AIRE: variants seen among roughly 807,000 people sequenced by gnomAD.
AIRE encodes the protein autoimmune polyendocrinopathy candidiasis ectodermal dystrophy protein.
A neutral mutation model predicts 62.1 loss-of-function variants in AIRE; 52 were observed. That is an observed-to-expected ratio of 0.84 (90% confidence interval 0.67 to 1.06). AIRE has a LOEUF of 1.06. Ranked by LOEUF, AIRE falls within the 50% of genes least tolerant of loss-of-function variation. The probability of loss-of-function intolerance (pLI) is 0.00; values close to 1 mark genes in which losing one functional copy is unlikely to be tolerated. For synonymous variants in AIRE, 342 were observed against 321.6 expected (o/e 1.06, Z -0.68); for missense variants, 774 against 755.8 (o/e 1.02, Z -0.28).
intron 12 of AIRE, 53 bp from the exon 13 acceptor site, chr21:44,296,330 C>T (rs1043438428): frequency 1.3e-6 from 2 of 1,514,820 alleles, no homozygotes; most frequent in African/African-American, 1.4e-5. Context: ...GCCTCTGTAC[C>T]CCCACCAGGG....
chr21:44,287,428 C>T lies in AIRE; in HGVS notation c.464-89C>T. 2 of 938,154 alleles carry T rather than the reference C, an allele frequency of 2.1e-6. No homozygotes were observed. The highest frequency in any genetic ancestry group is 1.4e-5 in the South Asian group (1 of 69,810). 58.1% of individuals were successfully genotyped at this position (938,154 alleles called of 1,614,324 possible). A position where few individuals can be genotyped will look rare whatever the true frequency, so the allele number is the denominator to read the frequency against. On this transcript the variant is annotated intron_variant, in intron 3 of 13. Coordinates refer to ENST00000291582, the MANE Select transcript of AIRE (RefSeq NM_000383.4). The surrounding 1 kb of genome is among the most constrained non-coding windows in gnomAD (Gnocchi z 4.3). ...GGACTACCCAGCACTGGACCGCCCCCTCCACGCCCTCCCACCGCGGGCCCC... is the reference window on the plus strand; with the variant it reads ...GGACTACCCAGCACTGGACCGCCCCTTCCACGCCCTCCCACCGCGGGCCCC...
Position 44,286,150 on chromosome 21 carries a change from G to GC in AIRE, c.132+15dup. The GC allele has an allele frequency of 1.7e-6, 2 of 1,177,118 alleles. No homozygotes were observed. The highest frequency in any genetic ancestry group is 4.5e-5 in the Admixed American group (2 of 44,914). The allele number at this position is 1,177,118 out of a possible 1,614,324, so 72.9% of individuals were successfully genotyped here. On this transcript the variant is annotated intron_variant, in intron 1 of 13. Coordinates refer to ENST00000291582, the MANE Select transcript of AIRE (RefSeq NM_000383.4). This position sits in a 1 kb window ranked among gnomAD's most constrained non-coding sequence, Gnocchi z 6.0. ...AGGACAAGTTTCAGGTGGGCTCCCC[G>GC]CCCGCCCCCCGCTGCCCCCAGGCCC...
Position 44,293,731 on chromosome 21 carries a change from G to A in AIRE, c.1279-58G>A, listed in dbSNP as rs75243213. ...GGGAGAGCGCACAGGGCTCGGGTTC[G>A]GGTTCAGCTACATTTCCCCCGGCCC... On this transcript the variant is annotated intron_variant, in intron 10 of 13. Coordinates refer to ENST00000291582, the MANE Select transcript of AIRE (RefSeq NM_000383.4). 2.6e-3 allele frequency: 4,107 copies of A among 1,593,292 alleles called. 89 individuals are homozygous for A. In the African/African-American group the frequency reaches 0.047, roughly 18 times the overall value.
rs763835269 is a variant in AIRE at position 44,287,064 on chromosome 21, A to C, written c.394A>C (p.Arg132=). Residue 132 remains arginine, a synonymous_variant, in exon 3 of 14, where the codon AGG becomes CGG. Coordinates refer to ENST00000291582, the MANE Select transcript of AIRE (RefSeq NM_000383.4). This position sits in a 1 kb window ranked among gnomAD's most constrained non-coding sequence, Gnocchi z 4.3. ...ACCGCCACCCAGACTCCCCACCAAG[A>C]GGAAGGCCTCAGAAGAGGCTCGAGC... ...LVPPPRLPTK[R]KASEEARAAA... The C allele has an allele frequency of 1.9e-6, 3 of 1,612,644 alleles. No homozygotes were observed. The highest frequency in any genetic ancestry group is 3.3e-5 in the Admixed American group (2 of 60,006).
Position 44,297,744 on chromosome 21 carries a change from C to T in AIRE, c.*17C>T, listed in dbSNP as rs1209586966. 1.2e-6 allele frequency: 2 copies of T among 1,602,770 alleles called. No individual in the cohort carries two copies. Among genetic ancestry groups the T allele is most frequent in the Non-Finnish European group, 1.7e-6 (2 of 1,171,308 alleles). ...CCCTCCTGACCCCAGATGGCCGGGACATGCAGCTCTGATGAGAGAGTGCTG... is the reference window on the plus strand; with the variant it reads ...CCCTCCTGACCCCAGATGGCCGGGATATGCAGCTCTGATGAGAGAGTGCTG... On this transcript the variant is annotated 3_prime_UTR_variant, in exon 14 of 14. Transcript: ENST00000291582. The surrounding 1 kb of genome is among the most constrained non-coding windows in gnomAD (Gnocchi z 4.8).
chr21:44,292,634 C>T lies in AIRE; in HGVS notation c.1095+233C>T, dbSNP rs374442760. Among the ~76,000 whole-genome samples, 11 of 152,178 alleles carry T rather than the reference C, an allele frequency of 7.2e-5. No homozygotes were observed. The East Asian group carries it at 9.6e-4, about 13-fold the overall frequency. On this transcript the variant is annotated intron_variant, in intron 9 of 13. Transcript: ENST00000291582. ...AAACCCAGCTCTCCTGGCTGCGGGT[C>T]CACCCCGGGGGGCACTATGAGCATT...
At position 44,297,517 on chromosome 21, in the gene AIRE, C is replaced by T. The variant is rs2040623243; in HGVS notation, c.1567-139C>T. ...AGGGTCCTCCCCAGACTGGCCTGTG[C>T]CATGGGGCCTCGGGCCTCAGTTTCC... On this transcript the variant is annotated intron_variant, in intron 13 of 13. Coordinates refer to ENST00000291582, the MANE Select transcript of AIRE (RefSeq NM_000383.4). This position sits in a 1 kb window ranked among gnomAD's most constrained non-coding sequence, Gnocchi z 4.8. 2 of 783,952 alleles carry T rather than the reference C, an allele frequency of 2.6e-6. No homozygotes were observed. Among genetic ancestry groups the T allele is most frequent in the Non-Finnish European group, 4.4e-6 (2 of 459,224 alleles). 48.6% of individuals were successfully genotyped at this position (783,952 alleles called of 1,614,324 possible). A position where few individuals can be genotyped will look rare whatever the true frequency, so the allele number is the denominator to read the frequency against.
intron 4 of AIRE, 48 bp from the exon 5 acceptor site, chr21:44,288,297 G>A: frequency 7.1e-7 from 1 of 1,414,076 alleles, no homozygotes. Flanking sequence ...TATGTGCTTG[G>A]GAACAGTCTT....
At chr21:44,292,449 GC>G in intron 9 of AIRE, 48 bp downstream of exon 9, 1 of 1,343,088 alleles carries the variant, frequency 7.4e-7, no homozygotes, top group Non-Finnish European at 1.0e-6. Context: ...TGTCCACATG[GC>G]CACGCCCCCT....
chr21:44,289,010 C>T (rs1479593009), intron 5 of AIRE: 3 of 168,340 alleles, frequency 1.8e-5, no homozygotes, highest in Admixed American at 1.6e-4. Context: ...ACGGTGTCTC[C>T]TCGGTGCTGG....
At position 44,297,569 on chromosome 21, in the gene AIRE, G is replaced by T; in HGVS notation, c.1567-87G>T. 7.9e-7 allele frequency: 1 copy of T among 1,269,762 alleles called. No homozygotes were observed. The highest frequency in any genetic ancestry group is 1.2e-5 in the South Asian group (1 of 82,666). 78.7% of individuals were successfully genotyped at this position (1,269,762 alleles called of 1,614,324 possible). ...CACCTTTGACTTAGAGGGAAGGTTGGATGGTGACTTCTTGTAACGATGGCC... is the reference window on the plus strand; with the variant it reads ...CACCTTTGACTTAGAGGGAAGGTTGTATGGTGACTTCTTGTAACGATGGCC... On this transcript the variant is annotated intron_variant, in intron 13 of 13. Coordinates refer to ENST00000291582, the MANE Select transcript of AIRE (RefSeq NM_000383.4). The surrounding 1 kb of genome is among the most constrained non-coding windows in gnomAD (Gnocchi z 4.8).
intron 10 of AIRE, 22 bp from the exon 11 acceptor site, chr21:44,293,767 C>A (rs375964224): frequency 1.8e-5 from 29 of 1,595,644 alleles, no homozygotes; most frequent in East Asian, 6.7e-5. Context: ...CCCGCGTCAC[C>A]CCGCGCTGTT....
chr21:44,291,718 G>A (rs2040542527), intron 8 of AIRE, among the ~76,000 whole-genome samples: 1 of 152,092 alleles, frequency 6.6e-6, no homozygotes, highest in Non-Finnish European at 1.5e-5. Flanking sequence ...ACCGAGCCCT[G>A]CCCCCATTCC....
At chr21:44,290,321 C>A in intron 7 of AIRE, 1 of 985,452 alleles carries the variant, frequency 1.0e-6, no homozygotes, top group Non-Finnish European at 1.2e-6. Flanking sequence ...CCAGGCTGTA[C>A]CCGCTGCTCT....
Position 44,294,432 on chromosome 21 carries a change from G to T in AIRE, c.1432G>T (p.Asp478Tyr). The T allele has an allele frequency of 6.3e-7, 1 of 1,578,874 alleles. No individual in the cohort carries two copies. Among genetic ancestry groups the T allele is most frequent in the Non-Finnish European group, 8.5e-7 (1 of 1,170,226 alleles). Residue 478 changes from aspartate (D) to tyrosine (Y), a missense_variant, in exon 12 of 14, where the codon GAC (aspartate) becomes TAC (tyrosine). Asp to Tyr is a radical substitution (Grantham distance 160). Around this residue, in one of 3 missense-constraint regions of AIRE, gnomAD observed 354 missense variants for 296.1 expected, o/e 1.20. Coordinates refer to ENST00000291582, the MANE Select transcript of AIRE (RefSeq NM_000383.4). ...CCTGCGCTGCAGATCCTGCTCAGGA[G>T]ACGTGACCCCAGCCCCTGTGGAGGG... ...TGLRCRSCSG[D>Y]VTPAPVEGVL...
chr21:44,289,281 C>CG, intron 5 of AIRE: 1 of 296,318 alleles, frequency 3.4e-6, no homozygotes, highest in South Asian at 5.7e-5. Context: ...GCTCAGGACC[C>CG]ACCGCTCCAG....
At position 44,286,423 on chromosome 21, in the gene AIRE, G is replaced by T. The variant is rs930510704; in HGVS notation, c.133-134G>T. Reference sequence around the variant, plus strand: ...CCACCACCTGACTCCACCACAAGCCGAGGAGATGGGCGTGGAGCTGTCCAG... The same window carrying T: ...CCACCACCTGACTCCACCACAAGCCTAGGAGATGGGCGTGGAGCTGTCCAG... On this transcript the variant is annotated intron_variant, in intron 1 of 13. Coordinates refer to ENST00000291582, the MANE Select transcript of AIRE (RefSeq NM_000383.4). The surrounding 1 kb of genome is among the most constrained non-coding windows in gnomAD (Gnocchi z 6.0). 1 of 954,928 alleles carries T rather than the reference G, an allele frequency of 1.0e-6. No individual in the cohort carries two copies. 59.2% of individuals were successfully genotyped at this position (954,928 alleles called of 1,614,324 possible). A position where few individuals can be genotyped will look rare whatever the true frequency, so the allele number is the denominator to read the frequency against.
At chr21:44,288,601 GCTGA>G (rs2040504944) in intron 5 of AIRE, 143 bp downstream of exon 5, 5 of 651,176 alleles carry the variant, frequency 7.7e-6, no homozygotes. Flanking sequence ...CTGTGGTTCT[GCTGA>G]CTTTGGAGGA....
intron 9 of AIRE, 77 bp from the exon 10 acceptor site, chr21:44,292,916 G>A: frequency 7.1e-7 from 1 of 1,417,446 alleles, no homozygotes; most frequent in Middle Eastern, 2.3e-4. Context: ...GGGTTTCAGG[G>A]TCCCAGCAGT....
Sources: gnomAD v4.1 joint callset for allele counts (sites outside exome capture counted in the v4.1 genomes callset) on GRCh38, gnomAD v4.1.1 for gene constraint, gnomAD v4.1.1 regional missense constraint, Gnocchi (gnomAD v3.1) non-coding constraint, MANE v1.5 for transcripts, NCBI Gene and HGNC (gene_info 2026-07-23, HGNC 2026-07-21) for gene names.